The following NFATC1 variants were observed in gnomAD, a reference collection of about 807,000 sequenced individuals.
The protein encoded by NFATC1 is nuclear factor of activated T cells 1, also known as nuclear factor of activated T-cells, cytoplasmic 1.
In NFATC1, 22 loss-of-function variants were observed where a neutral mutation model predicts 76.0. The observed-to-expected ratio is 0.29, with a 90% CI of 0.21 to 0.41. The LOEUF is 0.41. NFATC1 is among the 10% of genes least tolerant of loss of function. NFATC1 has a pLI of 1.00. For missense variants in NFATC1, 1,357 were observed against 1,337.7 expected (o/e 1.01, Z -0.23); for synonymous variants, 704 against 613.1 (o/e 1.15, Z -2.19).
intron 8 of NFATC1, among the ~76,000 whole-genome samples, chr18:79,474,873 C>T (rs1382778747): frequency 2.8e-5 from 4 of 143,690 alleles, no homozygotes; most frequent in Non-Finnish European, 6.0e-5. Flanking sequence ...AGCGTGTTCT[C>T]ACGCTCACTG....
rs369050265 is a variant in NFATC1 at position 79,486,523 on chromosome 18, C to T, written c.2368C>T (p.Leu790Phe). 1.6e-4 allele frequency: 260 copies of T among 1,600,462 alleles called. No individual in the cohort carries two copies. The highest frequency in any genetic ancestry group is 2.0e-4 in the Non-Finnish European group (231 of 1,178,426). Residue 790 changes from leucine to phenylalanine, a missense_variant, in exon 9 of 10, where the codon CTC (leucine) becomes TTC (phenylalanine). Physicochemically the swap from Leu to Phe is conservative, Grantham distance 22. This residue lies in a region of NFATC1 where 424 missense variants were observed against 395.4 expected (regional missense o/e 1.07). Transcript: ENST00000427363. ...CAGCCCGGGCCACTGTCACCTCGGA[C>T]TCCCGCAGCCGGCCGGAGAGGCCCC... Reference protein sequence around the residue: ...VASPGHCHLGLPQPAGEAPAV... With the variant: ...VASPGHCHLGFPQPAGEAPAV...
chr18:79,465,989 C>A lies in NFATC1; in HGVS notation c.1960-1461C>A, dbSNP rs903774940. 1.3e-5 allele frequency among the ~76,000 whole-genome samples: 2 copies of A among 152,218 alleles called. No individual in the cohort carries two copies. Among genetic ancestry groups the A allele is most frequent in the Non-Finnish European group, 2.9e-5 (2 of 68,038 alleles). ...GCAGGAAGACGCCCATGTGCCATGG[C>A]TTCTGCTTCTTCCCAATGAACTGCA... On this transcript the variant is annotated intron_variant, in intron 7 of 9. Coordinates refer to ENST00000427363, the MANE Select transcript of NFATC1 (RefSeq NM_001278669.2). The surrounding 1 kb of genome is among the most constrained non-coding windows in gnomAD (Gnocchi z 4.2).
At chr18:79,471,118 G>A (rs936792317) in intron 8 of NFATC1, among the ~76,000 whole-genome samples, 1 of 152,216 alleles carries the variant, frequency 6.6e-6, no homozygotes, top group African/African-American at 2.4e-5. Flanking sequence ...CGGCTTGTCT[G>A]TCACTGTTTT....
chr18:79,442,611 G>T (rs2087025404), intron 3 of NFATC1, among the ~76,000 whole-genome samples: 2 of 152,264 alleles, frequency 1.3e-5, no homozygotes, highest in Admixed American at 1.3e-4. Flanking sequence ...CTGGAGTGGG[G>T]ATACAATGTT....
intron 2 of NFATC1, chr18:79,420,847 A>C (rs572737195): frequency 6.6e-6 from 1 of 152,460 alleles, no homozygotes; most frequent in East Asian, 1.9e-4. Flanking sequence ...ATGCGTTTCC[A>C]GGTGACATTG....
Position 79,396,102 on chromosome 18 carries a change from G to C in NFATC1, c.-123G>C. ...ACACGCCCCTCGATGACTTTCCTCC[G>C]GGGCGCGCGGCGCTGAGCCCGGGGC... On this transcript the variant is annotated 5_prime_UTR_variant, in exon 1 of 10. Coordinates refer to ENST00000427363, the MANE Select transcript of NFATC1 (RefSeq NM_001278669.2). The C allele has an allele frequency of 2.6e-6, 3 of 1,154,298 alleles. No homozygotes were observed. Among genetic ancestry groups the C allele is most frequent in the Middle Eastern group, 3.7e-4 (1 of 2,732 alleles). The allele number at this position is 1,154,298 out of a possible 1,614,324, so 71.5% of individuals were successfully genotyped here.
intron 2 of NFATC1, among the ~76,000 whole-genome samples, chr18:79,418,552 C>G (rs1380025571): frequency 6.6e-6 from 1 of 152,222 alleles, no homozygotes; most frequent in East Asian, 1.9e-4. Flanking sequence ...GGTCAGAGCC[C>G]AGTCGAGGGG....
intron 3 of NFATC1, among the ~76,000 whole-genome samples, chr18:79,435,270 G>T (rs2086730907): frequency 6.6e-6 from 1 of 152,254 alleles, no homozygotes; most frequent in Non-Finnish European, 1.5e-5. Flanking sequence ...AGGAATCGAG[G>T]CTGTTACTTG....
intron 7 of NFATC1, among the ~76,000 whole-genome samples, chr18:79,466,490 T>C (rs979493435): frequency 7.2e-5 from 11 of 152,210 alleles, no homozygotes; most frequent in African/African-American, 2.4e-4. Flanking sequence ...GGGGTCTCCG[T>C]GTCCCAGCCC....
chr18:79,448,330 G>A (rs1302391178), intron 3 of NFATC1: 6 of 184,074 alleles, frequency 3.3e-5, no homozygotes, highest in African/African-American at 7.1e-5. Flanking sequence ...GTGTGCAAAC[G>A]CAGTGTGGCG....
intron 2 of NFATC1, among the ~76,000 whole-genome samples, chr18:79,432,804 G>A (rs1176354607): frequency 6.6e-6 from 1 of 152,200 alleles, no homozygotes; most frequent in African/African-American, 2.4e-5. Context: ...GGGAAGACAC[G>A]CCGAGGGCAC....
chr18:79,484,960 G>A (rs907276593), intron 8 of NFATC1, among the ~76,000 whole-genome samples: 4 of 152,246 alleles, frequency 2.6e-5, no homozygotes, highest in African/African-American at 7.2e-5. Flanking sequence ...TGGACTCCTC[G>A]GCACCCAGCC....
Position 79,486,951 on chromosome 18 carries a change from G to A in NFATC1, c.2782+14G>A. 6.3e-7 allele frequency: 1 copy of A among 1,580,728 alleles called. No individual in the cohort carries two copies. Among genetic ancestry groups the A allele is most frequent in the Non-Finnish European group, 8.6e-7 (1 of 1,160,462 alleles). ...ACCTGGATGACGGTGAGTGCCCGCA[G>A]CCATGCAGGTGTGTGCCCCGCCTGG... On this transcript the variant is annotated intron_variant, in intron 9 of 9. Transcript: ENST00000427363.
At chr18:79,506,259 C>G (rs1448917128) in intron 9 of NFATC1, among the ~76,000 whole-genome samples, 3 of 152,170 alleles carry the variant, frequency 2.0e-5, no homozygotes, top group Non-Finnish European at 1.5e-5. Flanking sequence ...ACAGTGGTCT[C>G]GGCCGAGCAG....
At chr18:79,450,304 G>A (rs142017583) in intron 4 of NFATC1, among the ~76,000 whole-genome samples, 5 of 151,940 alleles carry the variant, frequency 3.3e-5, no homozygotes, top group Non-Finnish European at 7.4e-5. Context: ...TTGTTAAGAG[G>A]TTATATGAAA....
chr18:79,409,618 C>A (rs2085587125), intron 1 of NFATC1, among the ~76,000 whole-genome samples: 1 of 152,194 alleles, frequency 6.6e-6, no homozygotes, highest in African/African-American at 2.4e-5. Context: ...TACCTACTCT[C>A]CATCTACCCA....
chr18:79,515,216 G>T (rs553569337), intron 9 of NFATC1, among the ~76,000 whole-genome samples: 1 of 151,532 alleles, frequency 6.6e-6, no homozygotes, highest in Admixed American at 6.6e-5. Context: ...GTGGTGGCAG[G>T]TTCCTGTAAT....
rs2084989680 is a variant in NFATC1 at position 79,395,942 on chromosome 18, G to C, written c.-283G>C. ...AGAGCGCGGCCCTGCGTCAGAGCGAGACTCAGAGGCTCCGAACTCGCCGGC... is the reference window on the plus strand; with the variant it reads ...AGAGCGCGGCCCTGCGTCAGAGCGACACTCAGAGGCTCCGAACTCGCCGGC... On this transcript the variant is annotated 5_prime_UTR_variant, in exon 1 of 10. Transcript: ENST00000427363. 5.5e-6 allele frequency: 1 copy of C among 181,058 alleles called. No homozygotes were observed. Among genetic ancestry groups the C allele is most frequent in the Non-Finnish European group, 1.1e-5 (1 of 87,802 alleles). 11.2% of individuals were successfully genotyped at this position (181,058 alleles called of 1,614,324 possible).
intron 8 of NFATC1, among the ~76,000 whole-genome samples, chr18:79,474,158 G>T (rs1041884757): frequency 7.4e-6 from 1 of 134,470 alleles, no homozygotes; most frequent in Admixed American, 7.4e-5. Context: ...CCTGAGGGAA[G>T]CGTGTTCTCA....
Sources: gnomAD v4.1 joint callset for allele counts (sites outside exome capture counted in the v4.1 genomes callset) on GRCh38, gnomAD v4.1.1 for gene constraint, gnomAD v4.1.1 regional missense constraint, Gnocchi (gnomAD v3.1) non-coding constraint, MANE v1.5 for transcripts, NCBI Gene and HGNC (gene_info 2026-07-23, HGNC 2026-07-21) for gene names.